Variants in XYLB observed in about 807,000 individuals in gnomAD.
XYLB encodes the protein xylulokinase, also known as xylulose kinase.
In XYLB, 62 loss-of-function variants were observed where a neutral mutation model predicts 78.7. The observed-to-expected ratio is 0.79, with a 90% CI of 0.64 to 0.97. The LOEUF is 0.97. XYLB is among the 50% of genes least tolerant of loss of function. XYLB has a pLI of 0.00. For synonymous variants in XYLB, 245 were observed against 247.4 expected (o/e 0.99, Z 0.09); for missense variants, 687 against 676.8 (o/e 1.02, Z -0.17).
intron 15 of XYLB, among the ~76,000 whole-genome samples, chr3:38,385,764 T>C (rs1367659323): frequency 2.6e-5 from 4 of 152,184 alleles, no homozygotes; most frequent in Admixed American, 2.0e-4. Context: ...AGCCTTGTAA[T>C]CTTCCATTTA....
chr3:38,421,540 G>C (rs144374265), downstream of XYLB, among the ~76,000 whole-genome samples: 2 of 152,202 alleles, frequency 1.3e-5, no homozygotes, highest in Non-Finnish European at 2.9e-5. Flanking sequence ...GCTGGTTTCC[G>C]GACCGAGGAA....
chr3:38,399,401 C>T (rs937415437), intron 17 of XYLB, among the ~76,000 whole-genome samples: 11 of 152,148 alleles, frequency 7.2e-5, no homozygotes, highest in South Asian at 2.1e-4. Flanking sequence ...CTAGGATTAC[C>T]GCACCCAGGC....
chr3:38,437,042 A>AATAATG, the XYLB span, among the ~76,000 whole-genome samples: 1 of 147,430 alleles, frequency 6.8e-6, no homozygotes, highest in African/African-American at 2.5e-5. Context: ...TAATAATAAT[A>AATAATG]ATAACAAAAA....
At chr3:38,430,523 T>C in the XYLB span, among the ~76,000 whole-genome samples, 1 of 152,222 alleles carries the variant, frequency 6.6e-6, no homozygotes, top group Non-Finnish European at 1.5e-5. Flanking sequence ...ACTCTGTTGG[T>C]AGTTTCTTTT....
chr3:38,418,464 T>C (rs1037091872), downstream of XYLB, among the ~76,000 whole-genome samples: 5 of 152,172 alleles, frequency 3.3e-5, no homozygotes, highest in African/African-American at 1.2e-4. Flanking sequence ...AATAGGAATC[T>C]GCACAAAGAC....
intron 15 of XYLB, among the ~76,000 whole-genome samples, chr3:38,392,832 A>T (rs75217017): frequency 6.6e-6 from 1 of 152,200 alleles, no homozygotes. Flanking sequence ...GATGAAATTC[A>T]TCAATTTTTC....
intron 2 of XYLB, among the ~76,000 whole-genome samples, chr3:38,349,770 TCTC>T (rs1705259455): frequency 6.6e-6 from 1 of 152,172 alleles, no homozygotes; most frequent in Admixed American, 6.5e-5. Context: ...GGAAGATTGG[TCTC>T]CTCTGGGACC....
At chr3:38,395,397 G>A (rs1707826764) in intron 15 of XYLB, 108 bp from the exon 16 acceptor site, 3 of 914,068 alleles carry the variant, frequency 3.3e-6, no homozygotes, top group Non-Finnish European at 3.5e-6. Flanking sequence ...TAAGTGGGAG[G>A]CATTGGCCCA....
intron 18 of XYLB, among the ~76,000 whole-genome samples, chr3:38,402,682 C>G (rs1446956379): frequency 6.6e-6 from 1 of 152,168 alleles, no homozygotes; most frequent in Non-Finnish European, 1.5e-5. Flanking sequence ...ACCATCTGTC[C>G]TGCCTCCCTT....
chr3:38,375,070 A>T, intron 11 of XYLB, 74 bp from the exon 12 acceptor site: 1 of 1,192,046 alleles, frequency 8.4e-7, no homozygotes, highest in Non-Finnish European at 1.2e-6. Flanking sequence ...TGGGTGGAGT[A>T]CAGCGCGTCG....
chr3:38,351,171 CAAAAAAAAAAAA>C (rs58457623), intron 2 of XYLB, among the ~76,000 whole-genome samples: 6 of 23,086 alleles, frequency 2.6e-4, no homozygotes, highest in East Asian at 1.1e-3. Context: ...GAGCCTGTCT[CAAAAAAAAAAAA>C]AAAAAAAAAA....
rs541571397 is a variant in XYLB at position 38,386,727 on chromosome 3, A to T, written c.1291+7385A>T. Among the ~76,000 whole-genome samples, 10 of 152,298 alleles carry T rather than the reference A, an allele frequency of 6.6e-5. 1 individual carries two copies. In the South Asian group the frequency reaches 2.1e-3, roughly 32 times the overall value. ...TTGAATTTTTTACGAACATGCTTGC[A>T]CTACAAGAATGACTAAAGGATGTCT... On this transcript the variant is annotated intron_variant, in intron 15 of 18. Transcript: ENST00000207870.
chr3:38,388,765 G>A (rs1487276543), intron 15 of XYLB, among the ~76,000 whole-genome samples: 1 of 152,128 alleles, frequency 6.6e-6, no homozygotes, highest in East Asian at 1.9e-4. Flanking sequence ...GAACTAGTTT[G>A]TTCTTGAAAT....
At chr3:38,377,314 G>A (rs1706912207) in intron 14 of XYLB, among the ~76,000 whole-genome samples, 1 of 152,098 alleles carries the variant, frequency 6.6e-6, no homozygotes, top group Admixed American at 6.5e-5. Context: ...AGAACCCATG[G>A]ATCTTGAGAT....
chr3:38,384,260 T>TTCACCGTGTTGGCCAAGCTGGTC (rs1707283091), intron 15 of XYLB, among the ~76,000 whole-genome samples: 1 of 152,116 alleles, frequency 6.6e-6, no homozygotes, highest in Non-Finnish European at 1.5e-5. Context: ...GAGACGGGGT[T>TTCACCGTGTTGGCCAAGCTGGTC]TCACCGTGTT....
At chr3:38,392,132 C>T (rs903497798) in intron 15 of XYLB, among the ~76,000 whole-genome samples, 4 of 152,084 alleles carry the variant, frequency 2.6e-5, no homozygotes, top group South Asian at 2.1e-4. Flanking sequence ...CCCCTGCTGT[C>T]ATGAAGTCAG....
downstream of XYLB, among the ~76,000 whole-genome samples, chr3:38,422,082 A>G (rs543944263): frequency 1.3e-5 from 2 of 152,242 alleles, no homozygotes; most frequent in Non-Finnish European, 2.9e-5. Flanking sequence ...TAAACAATTT[A>G]TTAATCAACA....
At chr3:38,355,798 A>G (rs1425481677) in intron 2 of XYLB, 1 of 703,594 alleles carries the variant, frequency 1.4e-6, no homozygotes, top group Non-Finnish European at 2.6e-6. Context: ...CTGGTTCCTG[A>G]ATGACTGCAT....
At chr3:38,398,887 C>T (rs1362248808) in intron 17 of XYLB, among the ~76,000 whole-genome samples, 3 of 151,158 alleles carry the variant, frequency 2.0e-5, no homozygotes, top group Non-Finnish European at 2.9e-5. Context: ...AAGAAAATAG[C>T]TGGGCATGGT....
Sources: allele counts gnomAD v4.1 joint callset (sites outside exome capture counted in the v4.1 genomes callset), GRCh38; gene constraint gnomAD v4.1.1; transcripts MANE v1.5; gene names NCBI Gene and HGNC (gene_info 2026-07-23, HGNC 2026-07-21).